EEF1A1: variants seen among roughly 807,000 people sequenced by gnomAD.
The protein encoded by EEF1A1 is elongation factor 1-alpha 1.
EEF1A1 carries 1 observed loss-of-function variant against 38.5 expected under a neutral mutation model. That is an observed-to-expected ratio of 0.03 (90% CI 0.01 to 0.12). The LOEUF (loss-of-function observed/expected upper bound fraction) is 0.12. Ranked by LOEUF, EEF1A1 falls within the 10% of genes least tolerant of loss-of-function variation. The pLI is 1.00. For missense variants in EEF1A1, 184 were observed against 588.3 expected (o/e 0.31, Z 7.11); for synonymous variants, 229 against 203.7 (o/e 1.12, Z -1.06).
chr6:73,518,319 C>T (rs372579366), intron 6 of EEF1A1, 35 bp downstream of exon 6: 5 of 1,611,746 alleles, frequency 3.1e-6, no homozygotes, highest in Non-Finnish European at 4.2e-6. Flanking sequence ...TGACTTTAGC[C>T]TCTGCAATAA....
rs746662331 is a variant in EEF1A1, at chr6:73,518,987, GCTA to G, written c.563_565del (p.Val188del). On this transcript the variant is annotated inframe_deletion, in exon 4 of 8. Transcript: ENST00000309268. ...ATTCCAACCAGAAATTGGCACAAAT[GCTA>G]CTGTGTCGGGGTTGTAGCCAATTTT... The G allele has an allele frequency of 6.2e-7, 1 of 1,603,030 alleles. No homozygotes were observed.
rs1765540944 is a variant in EEF1A1, at chr6:73,517,222, T to C, written c.*588A>G. The C allele has an allele frequency of 6.6e-6, 1 of 152,328 alleles. No homozygotes were observed. Among genetic ancestry groups the C allele is most frequent in the Non-Finnish European group, 1.5e-5 (1 of 68,118 alleles). The allele number at this position is 152,328 out of a possible 1,614,324, so 9.4% of individuals were successfully genotyped here. A position where few individuals can be genotyped will look rare whatever the true frequency, so the allele number is the denominator to read the frequency against. On this transcript the variant is annotated 3_prime_UTR_variant, in exon 8 of 8. Transcript: ENST00000309268. ...TTTCCAAAGATTCACTTAACATTGGTTTAGCAACATGAAGCTTTCTATGCA... is the reference window on the plus strand; with the variant it reads ...TTTCCAAAGATTCACTTAACATTGGCTTAGCAACATGAAGCTTTCTATGCA...
intron 2 of EEF1A1, 37 bp from the exon 3 acceptor site, chr6:73,519,553 C>T: frequency 1.3e-6 from 2 of 1,549,142 alleles, no homozygotes; most frequent in Non-Finnish European, 1.7e-6. Flanking sequence ...GTTACTAAAA[C>T]ACAAACTCCA....
At chr6:73,519,313 C>T in intron 3 of EEF1A1, 24 bp downstream of exon 3, 1 of 1,606,666 alleles carries the variant, frequency 6.2e-7, no homozygotes, top group Non-Finnish European at 8.5e-7. Flanking sequence ...GATAAAGAAA[C>T]CTAGAATTAT....
In EEF1A1 at chr6:73,516,593, A is replaced by C. The variant is rs1489440099; in HGVS notation, c.*1217T>G. ...GCAACAAGAACTCCATCTTAAAAAAAATTTTTAAAAACCATCACACAAACA... is the reference window on the plus strand; with the variant it reads ...GCAACAAGAACTCCATCTTAAAAAACATTTTTAAAAACCATCACACAAACA... On this transcript the variant is annotated 3_prime_UTR_variant, in exon 8 of 8. Transcript: ENST00000309268. 1 of 150,658 alleles carries C rather than the reference A, an allele frequency of 6.6e-6. No individual in the cohort carries two copies. Among genetic ancestry groups the C allele is most frequent in the Non-Finnish European group, 1.5e-5 (1 of 67,970 alleles). 9.3% of individuals were successfully genotyped at this position (150,658 alleles called of 1,614,324 possible). A position where few individuals can be genotyped will look rare whatever the true frequency, so the allele number is the denominator to read the frequency against.
chr6:73,519,844 CATTTT>C, intron 2 of EEF1A1, 34 bp downstream of exon 2: 1 of 1,610,474 alleles, frequency 6.2e-7, no homozygotes, highest in Non-Finnish European at 8.5e-7. Context: ...TGGTAAAACT[CATTTT>C]AGTTGATCTT....
chr6:73,520,068 G>GA lies in EEF1A1; in HGVS notation c.-30-13dup, dbSNP rs765550117. The GA allele has an allele frequency of 2.5e-6, 4 of 1,572,940 alleles. No homozygotes were observed. Among genetic ancestry groups the GA allele is most frequent in the Non-Finnish European group, 3.4e-6 (4 of 1,171,506 alleles). On this transcript the variant is annotated splice_polypyrimidine_tract_variant and intron_variant, in intron 1 of 7. Transcript: ENST00000309268. ...AGTTTTCACGACACCTGAAATGGAA[G>GA]AAAAAAACTTTGAACCACTGTCTGA...
At position 73,517,760 on chromosome 6, in the gene EEF1A1, G is replaced by A. The variant is rs549190139; in HGVS notation, c.*50C>T. 87 of 1,036,604 alleles carry A rather than the reference G, an allele frequency of 8.4e-5. 1 individual carries two copies. Among genetic ancestry groups the A allele is most frequent in the African/African-American group, 1.5e-4 (9 of 61,198 alleles). The allele number at this position is 1,036,604 out of a possible 1,614,324, so 64.2% of individuals were successfully genotyped here. A position where few individuals can be genotyped will look rare whatever the true frequency, so the allele number is the denominator to read the frequency against. The stretch of plus-strand genomic sequence containing the variant: ...AATTGAAACAAACAGTTCTGAGACC[G>A]TTCTTCCACCACTGATTAAGAGTGG... On this transcript the variant is annotated 3_prime_UTR_variant, in exon 8 of 8. Transcript: ENST00000309268.
rs1021929023 is a variant in EEF1A1 at position 73,516,255 on chromosome 6, T to C, written c.*1555A>G. On this transcript the variant is annotated 3_prime_UTR_variant, in exon 8 of 8. Coordinates refer to ENST00000309268, the MANE Select transcript of EEF1A1 (RefSeq NM_001402.6). ...ACCTTTGAATCTTGAGCAATACACATTGCCAGTCACTTTAAGAGGCCTTAT... is the reference window on the plus strand; with the variant it reads ...ACCTTTGAATCTTGAGCAATACACACTGCCAGTCACTTTAAGAGGCCTTAT... 2 of 152,310 alleles carry C rather than the reference T, an allele frequency of 1.3e-5. No individual in the cohort carries two copies. Among genetic ancestry groups the C allele is most frequent in the Non-Finnish European group, 2.9e-5 (2 of 68,028 alleles). The allele number at this position is 152,310 out of a possible 1,614,324, so 9.4% of individuals were successfully genotyped here. A position where few individuals can be genotyped will look rare whatever the true frequency, so the allele number is the denominator to read the frequency against.
Position 73,518,928 on chromosome 6 carries a change from T to A in EEF1A1, c.621+4A>T, listed in dbSNP as rs1217564581. ...TTTTAACAATGGTCTTGAAAGCCAC[T>A]TACGTTAGCACTTGGCTCCAGCATG... On this transcript the variant is annotated splice_donor_region_variant and intron_variant, in intron 4 of 7. Transcript: ENST00000309268. 1 of 1,612,342 alleles carries A rather than the reference T, an allele frequency of 6.2e-7. No homozygotes were observed. The highest frequency in any genetic ancestry group is 8.5e-7 in the Non-Finnish European group (1 of 1,178,512).
In EEF1A1 at chr6:73,519,979, T is replaced by C. The variant is rs768537501; in HGVS notation, c.48A>G (p.Val16=). ...CAGTAGTGGTGGACTTGCCCGAATC[T>C]ACGTGTCCAATGACGACAATGTTGA... ...THINIVVIGH[V]DSGKSTTTGH... The change falls in exon 2 of 8, where the codon GTA becomes GTG. Residue 16 remains valine (V), a synonymous_variant. Transcript: ENST00000309268. The C allele has an allele frequency of 1.9e-6, 3 of 1,603,604 alleles. No individual in the cohort carries two copies. The highest frequency in any genetic ancestry group is 2.5e-6 in the Non-Finnish European group (3 of 1,179,874).
chr6:73,520,210 C>A, intron 1 of EEF1A1, 154 bp from the exon 2 acceptor site: 1 of 647,436 alleles, frequency 1.5e-6, no homozygotes, highest in Non-Finnish European at 2.5e-6. Flanking sequence ...GAAACTCCAT[C>A]GCATAAAACC....
At position 73,518,770 on chromosome 6, in the gene EEF1A1, A is replaced by C; in HGVS notation, c.700T>G (p.Cys234Gly). ...SGTTLLEALDCILPPTRPTDK... is the reference protein window; with the variant it reads ...SGTTLLEALDGILPPTRPTDK... ...GTTGGACGAGTTGGTGGTAGGATGC[A>C]GTCCAGAGCCTCAAGCAGCGTGGTT... is the stretch of plus-strand genomic sequence containing the variant. The change falls in exon 5 of 8, where the codon TGC becomes GGC. Residue 234 changes from cysteine (C) to glycine (G), a missense_variant. Transcript: ENST00000309268. The C allele has an allele frequency of 6.2e-7, 1 of 1,614,236 alleles. No homozygotes were observed. Among genetic ancestry groups the C allele is most frequent in the South Asian group, 1.1e-5 (1 of 91,088 alleles).
At chr6:73,518,901 C>G (rs1765588140) in intron 4 of EEF1A1, 31 bp downstream of exon 4, 1 of 1,610,916 alleles carries the variant, frequency 6.2e-7, no homozygotes, top group Non-Finnish European at 8.5e-7. Flanking sequence ...ATTCCCAGAG[C>G]TTTTTAACAA....
At chr6:73,520,697 AG>A (rs1765633773) in intron 1 of EEF1A1, 1 of 152,348 alleles carries the variant, frequency 6.6e-6, no homozygotes, top group African/African-American at 2.4e-5. Flanking sequence ...CCAGAAAAAA[AG>A]CGTCGCAGCA....
Position 73,518,625 on chromosome 6 carries a change from A to G in EEF1A1, c.773-15T>C, listed in dbSNP as rs769720612. The G allele has an allele frequency of 6.2e-7, 1 of 1,613,168 alleles. No individual in the cohort carries two copies. Among genetic ancestry groups the G allele is most frequent in the South Asian group, 1.1e-5 (1 of 91,070 alleles). ...AGTACCAATACCTAAAAATATTTACAGCATACTAAATACCTATGAAGGCAG... is the reference window on the plus strand; with the variant it reads ...AGTACCAATACCTAAAAATATTTACGGCATACTAAATACCTATGAAGGCAG... On this transcript the variant is annotated splice_polypyrimidine_tract_variant and intron_variant, in intron 5 of 7. Transcript: ENST00000309268.
chr6:73,518,668 C>A, intron 5 of EEF1A1, 30 bp downstream of exon 5: 1 of 1,613,116 alleles, frequency 6.2e-7, no homozygotes, highest in South Asian at 1.1e-5. Context: ...TCTATCAACT[C>A]AAATTCAACT....
In EEF1A1 at chr6:73,520,071, A is replaced by G. The variant is rs1366236790; in HGVS notation, c.-30-15T>C. ...TTTCACGACACCTGAAATGGAAGAA[A>G]AAAACTTTGAACCACTGTCTGAGGC... On this transcript the variant is annotated splice_polypyrimidine_tract_variant and intron_variant, in intron 1 of 7. Coordinates refer to ENST00000309268, the MANE Select transcript of EEF1A1 (RefSeq NM_001402.6). 4 of 1,572,430 alleles carry G rather than the reference A, an allele frequency of 2.5e-6. No individual in the cohort carries two copies. Among genetic ancestry groups the G allele is most frequent in the East Asian group, 2.2e-5 (1 of 44,706 alleles).
At position 73,518,681 on chromosome 6, in the gene EEF1A1, G is replaced by C. The variant is rs1199820745; in HGVS notation, c.772+17C>G. On this transcript the variant is annotated intron_variant, in intron 5 of 7. Transcript: ENST00000309268. ...ACTCTATCAACTCAAATTCAACTTTGTTTACAGCCAACTTACCACCAATTT... is the reference window on the plus strand; with the variant it reads ...ACTCTATCAACTCAAATTCAACTTTCTTTACAGCCAACTTACCACCAATTT... The C allele has an allele frequency of 2.5e-6, 4 of 1,613,472 alleles. No homozygotes were observed. The highest frequency in any genetic ancestry group is 1.7e-5 in the Admixed American group (1 of 59,964).
Sources: gnomAD v4.1 joint callset for allele counts on GRCh38, gnomAD v4.1.1 for gene constraint, MANE v1.5 for transcripts, NCBI Gene and HGNC (gene_info 2026-07-23, HGNC 2026-07-21) for gene names.